The following LIPM variants were observed in gnomAD, a reference collection of about 807,000 sequenced individuals.
The protein encoded by LIPM is lipase family member M.
In LIPM, 42 loss-of-function variants were observed where a neutral mutation model predicts 42.4. The ratio of observed to expected loss-of-function variants is 0.99; its 90% CI spans 0.77 to 1.28. LIPM has a LOEUF of 1.28. LIPM is among the 50% of genes most tolerant of loss of function. LIPM has a pLI of 0.00. For missense variants in LIPM, 524 were observed against 520.1 expected (o/e 1.01, Z -0.07); for synonymous variants, 177 against 173.3 (o/e 1.02, Z -0.17).
rs756271856 is a variant in LIPM, at chr10:88,814,602, G to T, written c.537G>T (p.Lys179Asn). The T allele has an allele frequency of 1.3e-6, 2 of 1,552,006 alleles. No individual in the cohort carries two copies. The highest frequency in any genetic ancestry group is 1.7e-6 in the Non-Finnish European group (2 of 1,146,994). Residue 179 changes from lysine to asparagine, a missense_variant, in exon 4 of 9, where the codon AAG (lysine) becomes AAT (asparagine). Physicochemically the swap from Lys to Asn is moderately conservative, Grantham distance 94. Transcript: ENST00000404743. ...TTTTGCAGAAAACGGGCCAGGAAAA[G>T]ATCTATTATGTCGGCTATTCACAGG... The part of the protein sequence containing the change: ...NFILQKTGQE[K>N]IYYVGYSQGT...
chr10:88,817,878 T>C lies in LIPM; in HGVS notation c.984T>C (p.Asn328=), dbSNP rs1397125643. 6 of 1,551,132 alleles carry C rather than the reference T, an allele frequency of 3.9e-6. No homozygotes were observed. Among genetic ancestry groups the C allele is most frequent in the Non-Finnish European group, 5.2e-6 (6 of 1,146,738 alleles). ...RAFDWGSETK[N]LEKCNQPTPV... is the part of the protein sequence containing the mutation. ...TTGACTGGGGGAGTGAGACCAAAAA[T>C]CTGGAAAAATGCAATCAGGTAAGAA... The change falls in exon 8 of 9, where the codon AAT becomes AAC. Residue 328 remains asparagine, a synonymous_variant. Transcript: ENST00000404743.
At chr10:88,803,619 GTTTTT>G (rs34653288) in intron 1 of LIPM, among the ~76,000 whole-genome samples, 2 of 122,106 alleles carry the variant, frequency 1.6e-5, no homozygotes, top group Admixed American at 8.8e-5. Context: ...TTCCCAGGAG[GTTTTT>G]TTTTTTTTTT....
intron 1 of LIPM, among the ~76,000 whole-genome samples, chr10:88,806,228 T>C (rs1376593972): frequency 1.3e-5 from 2 of 152,208 alleles, no homozygotes; most frequent in African/African-American, 4.8e-5. Flanking sequence ...TAGTTCTTTT[T>C]CTTCTCAGAT....
intron 3 of LIPM, among the ~76,000 whole-genome samples, chr10:88,813,561 G>A (rs935306409): frequency 6.6e-6 from 1 of 151,816 alleles, no homozygotes; most frequent in African/African-American, 2.4e-5. Flanking sequence ...TGAGAGAAGT[G>A]TAGATCAATT....
chr10:88,806,098 GTGATC>G (rs1843583008), intron 1 of LIPM: 10 of 435,898 alleles, frequency 2.3e-5, no homozygotes, highest in South Asian at 1.7e-4. Context: ...ACAGCCAAGG[GTGATC>G]TGTTGACAGC....
At chr10:88,806,327 C>A (rs941086912) in intron 1 of LIPM, among the ~76,000 whole-genome samples, 18 of 152,188 alleles carry the variant, frequency 1.2e-4, no homozygotes, top group Admixed American at 1.2e-3. Context: ...CTCCATAAGA[C>A]CTTGCCTGTC....
At chr10:88,805,825 T>C (rs1028079038) in intron 1 of LIPM, 3 of 357,014 alleles carry the variant, frequency 8.4e-6, no homozygotes, top group Non-Finnish European at 1.7e-5. Context: ...TTAAGGAGAA[T>C]CATCATCATC....
chr10:88,814,462 T>G, intron 3 of LIPM, 68 bp from the exon 4 acceptor site: 2 of 1,029,544 alleles, frequency 1.9e-6, no homozygotes, highest in Non-Finnish European at 2.9e-6. Flanking sequence ...GTAAACCTGG[T>G]GTCGGGGGGA....
At chr10:88,803,541 C>T (rs1843552133) in intron 1 of LIPM, among the ~76,000 whole-genome samples, 2 of 151,904 alleles carry the variant, frequency 1.3e-5, no homozygotes, top group South Asian at 4.2e-4. Flanking sequence ...AATAAAAGGA[C>T]CCCGAGTTAG....
chr10:88,809,701 C>T (rs1259768226), intron 2 of LIPM, among the ~76,000 whole-genome samples: 2 of 152,202 alleles, frequency 1.3e-5, no homozygotes, highest in African/African-American at 4.8e-5. Flanking sequence ...AAATGCTGGA[C>T]AAATGCTATT....
chr10:88,805,964 C>T (rs764769756), intron 1 of LIPM: 2 of 456,610 alleles, frequency 4.4e-6, no homozygotes, highest in Admixed American at 4.7e-5. Context: ...CAGAGATGTC[C>T]TACGTTGGGC....
chr10:88,817,559 C>T (rs911782967), intron 7 of LIPM, among the ~76,000 whole-genome samples: 3 of 152,242 alleles, frequency 2.0e-5, no homozygotes, highest in African/African-American at 7.2e-5. Context: ...AGGATACCCA[C>T]TCACATTAAT....
In LIPM at chr10:88,814,564, G is replaced by A; in HGVS notation, c.499G>A (p.Val167Met). ...DEMARFDLPA[V>M]INFILQKTGQ... ...GATGGCTAGGTTTGACCTTCCTGCA[G>A]TGATAAACTTTATTTTGCAGAAAAC... The change falls in exon 4 of 9, where the codon GTG becomes ATG. Residue 167 changes from valine (V) to methionine (M), a missense_variant. Val to Met is a conservative substitution (Grantham distance 21, BLOSUM62 1). Coordinates refer to ENST00000404743, the MANE Select transcript of LIPM (RefSeq NM_001128215.1). 6.4e-7 allele frequency: 1 copy of A among 1,551,666 alleles called. No homozygotes were observed. The highest frequency in any genetic ancestry group is 2.0e-5 in the Admixed American group (1 of 50,990).
At position 88,814,554 on chromosome 10, in the gene LIPM, C is replaced by T. The variant is rs1208820348; in HGVS notation, c.489C>T (p.Asp163=). 5.8e-6 allele frequency: 9 copies of T among 1,551,224 alleles called. No individual in the cohort carries two copies. The highest frequency in any genetic ancestry group is 7.0e-6 in the Non-Finnish European group (8 of 1,146,746). The stretch of plus-strand genomic sequence containing the variant: ...GTTATGATGAGATGGCTAGGTTTGA[C>T]CTTCCTGCAGTGATAAACTTTATTT... The part of the protein sequence containing the change: ...AFSYDEMARF[D]LPAVINFILQ... Residue 163 remains aspartate, a synonymous_variant, in exon 4 of 9, where the codon GAC becomes GAT. Coordinates refer to ENST00000404743, the MANE Select transcript of LIPM (RefSeq NM_001128215.1).
intron 4 of LIPM, 81 bp downstream of exon 4, chr10:88,814,720 T>A (rs978264316): frequency 2.8e-6 from 3 of 1,065,362 alleles, no homozygotes; most frequent in Non-Finnish European, 4.2e-6. Flanking sequence ...ATCTGTCACC[T>A]TGTGCTTCCT....
At chr10:88,818,813 T>C (rs763223654) in intron 8 of LIPM, among the ~76,000 whole-genome samples, 2 of 152,204 alleles carry the variant, frequency 1.3e-5, no homozygotes, top group Non-Finnish European at 2.9e-5. Context: ...CAGCTGCTTC[T>C]CTTGAAGTCT....
chr10:88,813,417 A>G, intron 3 of LIPM, 122 bp downstream of exon 3: 1 of 742,758 alleles, frequency 1.3e-6, no homozygotes, highest in African/African-American at 1.8e-5. Flanking sequence ...TCTTAACATG[A>G]TATCCCCCAG....
intron 2 of LIPM, 44 bp from the exon 3 acceptor site, chr10:88,813,053 A>T (rs1288817992): frequency 6.8e-7 from 1 of 1,473,666 alleles, no homozygotes; most frequent in East Asian, 2.5e-5. Flanking sequence ...ACAACAAGAA[A>T]GGGAGAGAAC....
intron 8 of LIPM, among the ~76,000 whole-genome samples, chr10:88,818,193 G>A (rs1843740916): frequency 6.6e-6 from 1 of 152,054 alleles, no homozygotes; most frequent in South Asian, 2.1e-4. Flanking sequence ...TGTAGTCTAT[G>A]GTGGATACTA....
Sources: gnomAD v4.1 joint callset for allele counts (sites outside exome capture counted in the v4.1 genomes callset) on GRCh38, gnomAD v4.1.1 for gene constraint, MANE v1.5 for transcripts, NCBI Gene and HGNC (gene_info 2026-07-23, HGNC 2026-07-21) for gene names.